The following CTNNA3 variants were observed in gnomAD, a reference collection of about 807,000 sequenced individuals.
The protein encoded by CTNNA3 is catenin alpha-3.
CTNNA3 carries 76 observed loss-of-function variants against 95.7 expected under a neutral mutation model. The observed-to-expected ratio is 0.79, with a 90% confidence interval of 0.66 to 0.96. The LOEUF is 0.96. Among genes scored for constraint, CTNNA3 ranks in the 40% least tolerant of loss-of-function variants. The pLI is 0.00. For missense variants in CTNNA3, 1,191 were observed against 1,089.8 expected, an observed-to-expected ratio of 1.09 and a Z score of -1.31; for synonymous variants, 431 against 374.4, an observed-to-expected ratio of 1.15 and a Z score of -1.74.
intron 11 of CTNNA3, among the ~76,000 whole-genome samples, chr10:66,382,385 T>C (rs1564914289): frequency 6.6e-6 from 1 of 152,110 alleles, no homozygotes; most frequent in Admixed American, 6.5e-5. Flanking sequence ...GGAAGGGGAA[T>C]CTGCCATTGC....
chr10:65,981,316 A>C (rs570634019), intron 16 of CTNNA3, among the ~76,000 whole-genome samples: 1 of 152,164 alleles, frequency 6.6e-6, no homozygotes, highest in Non-Finnish European at 1.5e-5. Context: ...TCTACAAGGA[A>C]AACCACAAAA....
intron 12 of CTNNA3, among the ~76,000 whole-genome samples, chr10:66,323,625 C>G (rs2092218466): frequency 6.7e-6 from 1 of 149,812 alleles, no homozygotes; most frequent in Non-Finnish European, 1.5e-5. Flanking sequence ...GCACTCCACC[C>G]TGGGTGAAAG....
intron 10 of CTNNA3, among the ~76,000 whole-genome samples, chr10:66,524,824 C>T (rs767247202): frequency 1.3e-5 from 2 of 151,912 alleles, no homozygotes; most frequent in African/African-American, 2.4e-5. Context: ...CTAAGGCAGG[C>T]GGATCTCCTG....
intron 10 of CTNNA3, among the ~76,000 whole-genome samples, chr10:66,577,671 T>C (rs1454174317): frequency 6.6e-6 from 1 of 151,992 alleles, no homozygotes; most frequent in Non-Finnish European, 1.5e-5. Flanking sequence ...CTCTAACCTG[T>C]TCTATCAGTC....
chr10:66,800,365 G>A (rs1451417441), intron 7 of CTNNA3, among the ~76,000 whole-genome samples: 2 of 150,990 alleles, frequency 1.3e-5, no homozygotes, highest in East Asian at 3.9e-4. Context: ...TTCTTTCTTA[G>A]TGGTATTTCA....
At chr10:66,061,763 C>A (rs2080204942) in intron 15 of CTNNA3, among the ~76,000 whole-genome samples, 2 of 152,172 alleles carry the variant, frequency 1.3e-5, no homozygotes, top group South Asian at 2.1e-4. Flanking sequence ...ATGACTCAAC[C>A]CCACACCTCA....
chr10:66,849,653 T>C (rs1843410966), intron 7 of CTNNA3, among the ~76,000 whole-genome samples: 1 of 151,966 alleles, frequency 6.6e-6, no homozygotes, highest in African/African-American at 2.4e-5. Context: ...AATAAGGCCA[T>C]GTAAAGTCGG....
chr10:66,162,950 G>T (rs537960783), intron 13 of CTNNA3, among the ~76,000 whole-genome samples: 1 of 151,934 alleles, frequency 6.6e-6, no homozygotes, highest in African/African-American at 2.4e-5. Context: ...GGAGGATTAC[G>T]GCTGCCTCTG....
intron 1 of CTNNA3, among the ~76,000 whole-genome samples, chr10:67,749,141 T>C (rs577115092): frequency 7.4e-4 from 113 of 152,000 alleles, no homozygotes; most frequent in African/African-American, 2.6e-3. Flanking sequence ...TGCATATATT[T>C]ATGAACACAG....
chr10:67,298,325 T>C (rs1340890451), intron 5 of CTNNA3, among the ~76,000 whole-genome samples: 1 of 152,232 alleles, frequency 6.6e-6, no homozygotes, highest in Non-Finnish European at 1.5e-5. Flanking sequence ...ATCCGAAGTG[T>C]CTCACCAAGC....
chr10:67,290,063 C>T (rs2132466047), intron 5 of CTNNA3, among the ~76,000 whole-genome samples: 1 of 152,260 alleles, frequency 6.6e-6, no homozygotes, highest in South Asian at 2.1e-4. Context: ...GCCTTGGCCT[C>T]CCAAAGTACT....
At chr10:66,449,020 A>G (rs942045778) in intron 11 of CTNNA3, among the ~76,000 whole-genome samples, 1 of 152,066 alleles carries the variant, frequency 6.6e-6, no homozygotes, top group Non-Finnish European at 1.5e-5. Context: ...TTAAAAAGTT[A>G]GAATTAGAAA....
intron 7 of CTNNA3, among the ~76,000 whole-genome samples, chr10:67,136,889 C>A (rs913255707): frequency 2.6e-5 from 4 of 152,084 alleles, no homozygotes; most frequent in Non-Finnish European, 4.4e-5. Context: ...ATCTCTCATT[C>A]AGAGAAGAAA....
chr10:67,384,886 A>G (rs1327342710), intron 5 of CTNNA3, among the ~76,000 whole-genome samples: 1 of 152,226 alleles, frequency 6.6e-6, no homozygotes, highest in Admixed American at 6.5e-5. Context: ...CCCTTTGCCT[A>G]TTTGATAAGA....
At position 66,360,822 on chromosome 10, in the gene CTNNA3, T is replaced by C. The variant is rs2092664869; in HGVS notation, c.1732+18330A>G. Among the ~76,000 whole-genome samples, 32 of 62,050 alleles carry C rather than the reference T, an allele frequency of 5.2e-4. 3 individuals are homozygous for C. The highest frequency in any genetic ancestry group is 2.8e-3 in the African/African-American group (30 of 10,574). The allele number at this position is 62,050 out of a possible 152,430, so 40.7% of individuals were successfully genotyped here. A position where few individuals can be genotyped will look rare whatever the true frequency, so the allele number is the denominator to read the frequency against. Reference sequence around the variant, plus strand: ...CTTCCTTCCTTCCTTCCTTCCTTTCTTTCTTTCTTTCTTTCTTTCTTTCTT... The same window carrying C: ...CTTCCTTCCTTCCTTCCTTCCTTTCCTTCTTTCTTTCTTTCTTTCTTTCTT... On this transcript the variant is annotated intron_variant, in intron 12 of 17. Coordinates refer to ENST00000433211, the MANE Select transcript of CTNNA3 (RefSeq NM_013266.4).
chr10:66,139,887 G>A (rs746116286), intron 13 of CTNNA3, among the ~76,000 whole-genome samples: 14 of 152,128 alleles, frequency 9.2e-5, no homozygotes, highest in African/African-American at 1.7e-4. Flanking sequence ...CTTTGCCTTC[G>A]TCCGGTTCTC....
At chr10:66,284,940 T>G (rs1290709462) in intron 12 of CTNNA3, among the ~76,000 whole-genome samples, 1 of 151,880 alleles carries the variant, frequency 6.6e-6, no homozygotes, top group Non-Finnish European at 1.5e-5. Context: ...TTTTTTTCAT[T>G]TATTCAATAA....
intron 5 of CTNNA3, among the ~76,000 whole-genome samples, chr10:67,419,650 C>CA (rs1845676953): frequency 6.6e-6 from 1 of 152,118 alleles, no homozygotes; most frequent in Non-Finnish European, 1.5e-5. Context: ...TGAATATTAG[C>CA]AAAACAGTTG....
chr10:67,277,630 G>A (rs1454731886), intron 5 of CTNNA3, among the ~76,000 whole-genome samples: 1 of 152,080 alleles, frequency 6.6e-6, no homozygotes, highest in African/African-American at 2.4e-5. Context: ...ACAAGATACA[G>A]GTCACAAAGA....
Sources: gnomAD v4.1 joint callset for allele counts (sites outside exome capture counted in the v4.1 genomes callset) on GRCh38, gnomAD v4.1.1 for gene constraint, MANE v1.5 for transcripts, NCBI Gene and HGNC (gene_info 2026-07-23, HGNC 2026-07-21) for gene names.